The following PTPRK variants were observed in gnomAD, a reference collection of about 807,000 sequenced individuals.
PTPRK encodes protein tyrosine phosphatase receptor type K.
A neutral mutation model predicts 178.0 loss-of-function variants in PTPRK; 75 were observed. That is an observed-to-expected ratio of 0.42 (90% confidence interval 0.35 to 0.51). PTPRK has a LOEUF of 0.51. Among genes scored for constraint, PTPRK ranks in the 20% least tolerant of loss-of-function variants. The pLI is 0.02. For missense variants in PTPRK, 1,441 were observed against 1,797.8 expected, an observed-to-expected ratio of 0.80 and a Z score of 3.59; for synonymous variants, 637 against 620.6, an observed-to-expected ratio of 1.03 and a Z score of -0.39.
intron 3 of PTPRK, among the ~76,000 whole-genome samples, chr6:128,297,420 A>G (rs187143861): frequency 5.5e-4 from 84 of 152,346 alleles, no homozygotes; most frequent in Admixed American, 2.5e-3. Context: ...AACAGAATAT[A>G]CATTTTTTTC....
intron 13 of PTPRK, among the ~76,000 whole-genome samples, chr6:128,048,213 T>G (rs1388743264): frequency 1.3e-5 from 2 of 152,178 alleles, no homozygotes; most frequent in East Asian, 1.9e-4. Context: ...AGGGGTAAAC[T>G]CATTAGAAAT....
At chr6:128,259,609 C>T (rs545357351) in intron 3 of PTPRK, among the ~76,000 whole-genome samples, 3 of 152,166 alleles carry the variant, frequency 2.0e-5, no homozygotes, top group South Asian at 4.1e-4. Flanking sequence ...TCAATGATTT[C>T]GTTACTTACA....
At chr6:128,468,169 G>A (rs1219812903) in intron 1 of PTPRK, among the ~76,000 whole-genome samples, 1 of 152,176 alleles carries the variant, frequency 6.6e-6, no homozygotes, top group Non-Finnish European at 1.5e-5. Context: ...AGACTATTCT[G>A]ATTAGAGAAA....
chr6:128,327,930 G>C (rs1333971906), intron 2 of PTPRK, among the ~76,000 whole-genome samples: 1 of 152,182 alleles, frequency 6.6e-6, no homozygotes, highest in Non-Finnish European at 1.5e-5. Flanking sequence ...TCAGGCCAGA[G>C]CCAATCCTGC....
At chr6:128,465,839 G>C (rs1849779137) in intron 1 of PTPRK, among the ~76,000 whole-genome samples, 1 of 152,066 alleles carries the variant, frequency 6.6e-6, no homozygotes, top group Admixed American at 6.6e-5. Flanking sequence ...CTGTGCCCAA[G>C]CTCCCACTAA....
At chr6:128,492,197 C>A (rs566470980) in intron 1 of PTPRK, among the ~76,000 whole-genome samples, 2 of 152,122 alleles carry the variant, frequency 1.3e-5, no homozygotes, top group African/African-American at 2.4e-5. Context: ...CCTTCACATG[C>A]TGCCTTCTCT....
In PTPRK at chr6:128,067,780, A is replaced by C; in HGVS notation, c.1896T>G (p.Ile632Met). ...GGTGTGGGTGCAGTTCTTCCACAAC[A>C]ATCTGATAAGCACTTTGGGGAAAAG... The part of the protein sequence containing the change: ...AKGAPISAYQ[I>M]VVEELHPHRT... The change falls in exon 12 of 30, where the codon ATT becomes ATG. Residue 632 changes from isoleucine (I) to methionine (M), a missense_variant. This residue lies in a region of PTPRK where 945 missense variants were observed against 1,080.6 expected (regional missense o/e 0.87). Transcript: ENST00000368226. 1 of 1,601,550 alleles carries C rather than the reference A, an allele frequency of 6.2e-7. No homozygotes were observed. Among genetic ancestry groups the C allele is most frequent in the Non-Finnish European group, 8.5e-7 (1 of 1,172,872 alleles).
At chr6:128,367,753 T>A (rs905515841) in intron 2 of PTPRK, among the ~76,000 whole-genome samples, 1 of 152,158 alleles carries the variant, frequency 6.6e-6, no homozygotes, top group Admixed American at 6.6e-5. Flanking sequence ...AACCACTAAC[T>A]TGGGCCTCAT....
intron 1 of PTPRK, among the ~76,000 whole-genome samples, chr6:128,446,521 C>A (rs1022912132): frequency 6.6e-6 from 1 of 151,098 alleles, no homozygotes; most frequent in Non-Finnish European, 1.5e-5. Flanking sequence ...TTTAAAAATT[C>A]TTTCTGCAAA....
intron 1 of PTPRK, among the ~76,000 whole-genome samples, chr6:128,448,024 C>T (rs1318861107): frequency 6.6e-6 from 1 of 152,154 alleles, no homozygotes; most frequent in African/African-American, 2.4e-5. Context: ...CTCCATGACT[C>T]AGAAATATCC....
chr6:128,240,381 G>A (rs1814190829), intron 4 of PTPRK, among the ~76,000 whole-genome samples: 1 of 152,002 alleles, frequency 6.6e-6, no homozygotes, highest in African/African-American at 2.4e-5. Flanking sequence ...ATAATTGCTG[G>A]AGTATTGTTC....
chr6:128,043,737 T>C (rs1777582374), intron 13 of PTPRK, among the ~76,000 whole-genome samples: 1 of 151,892 alleles, frequency 6.6e-6, no homozygotes, highest in Non-Finnish European at 1.5e-5. Flanking sequence ...TGAATGTTAT[T>C]ACACACTATC....
chr6:128,408,821 G>A (rs556620010), intron 1 of PTPRK, among the ~76,000 whole-genome samples: 1 of 152,222 alleles, frequency 6.6e-6, no homozygotes, highest in Admixed American at 6.5e-5. Flanking sequence ...GAGCAAAATG[G>A]CTTGCAAATA....
chr6:128,131,862 A>C (rs1229698097), intron 7 of PTPRK, among the ~76,000 whole-genome samples: 1 of 152,198 alleles, frequency 6.6e-6, no homozygotes, highest in African/African-American at 2.4e-5. Context: ...AAGTTGAAAA[A>C]TGAGTCATCA....
chr6:128,321,406 T>C, intron 3 of PTPRK: 1 of 206,446 alleles, frequency 4.8e-6, no homozygotes, highest in Non-Finnish European at 9.5e-6. Flanking sequence ...AAGTGGGTAC[T>C]GACACTATTG....
chr6:128,230,374 T>A (rs556014575), intron 5 of PTPRK, among the ~76,000 whole-genome samples: 11 of 152,148 alleles, frequency 7.2e-5, no homozygotes, highest in Non-Finnish European at 1.5e-4. Flanking sequence ...TAGGGATGCA[T>A]ATATAACTGC....
intron 2 of PTPRK, among the ~76,000 whole-genome samples, chr6:128,376,295 A>G (rs1187350812): frequency 6.6e-6 from 1 of 152,158 alleles, no homozygotes; most frequent in African/African-American, 2.4e-5. Context: ...GGAGGTTCCC[A>G]AACTTTAACT....
At chr6:128,244,325 G>A (rs191200143) in intron 3 of PTPRK, among the ~76,000 whole-genome samples, 54 of 152,236 alleles carry the variant, frequency 3.5e-4, no homozygotes, top group Admixed American at 2.9e-3. Flanking sequence ...ATAACTCCAT[G>A]GAAGGGAATA....
intron 13 of PTPRK, among the ~76,000 whole-genome samples, chr6:128,043,341 T>G (rs1442760622): frequency 6.6e-6 from 1 of 152,086 alleles, no homozygotes; most frequent in East Asian, 1.9e-4. Flanking sequence ...TCCCACACTT[T>G]CAACTGTCTG....
Sources: gnomAD v4.1 joint callset for allele counts (sites outside exome capture counted in the v4.1 genomes callset) on GRCh38, gnomAD v4.1.1 for gene constraint, gnomAD v4.1.1 regional missense constraint, MANE v1.5 for transcripts, NCBI Gene and HGNC (gene_info 2026-07-23, HGNC 2026-07-21) for gene names.